ANO5: variants seen among roughly 807,000 people sequenced by gnomAD.
The protein encoded by ANO5 is anoctamin-5.
In ANO5, 109 loss-of-function variants were observed where a neutral mutation model predicts 121.0. The ratio of observed to expected loss-of-function variants is 0.90; its 90% CI spans 0.77 to 1.06. The LOEUF is 1.06. Ranked by LOEUF, ANO5 falls within the 50% of genes least tolerant of loss-of-function variation. The pLI is 0.00. For missense variants in ANO5, 1,064 were observed against 1,078.5 expected, an observed-to-expected ratio of 0.99 and a Z score of 0.19; for synonymous variants, 406 against 359.9, an observed-to-expected ratio of 1.13 and a Z score of -1.45.
At chr11:22,232,644 ACTAT>A (rs755793755) in intron 7 of ANO5, among the ~76,000 whole-genome samples, 8 of 151,982 alleles carry the variant, frequency 5.3e-5, no homozygotes, top group Non-Finnish European at 1.0e-4. Context: ...ATTGACAACT[ACTAT>A]CTACCTGTAA....
intron 9 of ANO5, among the ~76,000 whole-genome samples, chr11:22,245,357 G>T (rs115509256): frequency 8.1e-4 from 123 of 152,226 alleles, no homozygotes; most frequent in African/African-American, 2.7e-3. Context: ...TGTTTCCTTT[G>T]TTACTTGCTA....
intron 17 of ANO5, among the ~76,000 whole-genome samples, chr11:22,268,270 T>C (rs1854442224): frequency 6.9e-6 from 1 of 144,204 alleles, no homozygotes; most frequent in African/African-American, 2.9e-5. Flanking sequence ...ATATAAACAG[T>C]TGACTTTTTT....
rs1854758178 is a variant in ANO5, at chr11:22,274,557, T to C, written c.2236-12T>C. On this transcript the variant is annotated splice_polypyrimidine_tract_variant and intron_variant, in intron 19 of 21. Coordinates refer to ENST00000324559, the MANE Select transcript of ANO5 (RefSeq NM_213599.3). The stretch of plus-strand genomic sequence containing the variant: ...AGCTGATGATCTTCCTCTTTTTTTT[T>C]TTATTCTTCAGGCCTTTATTGTTGC... The C allele has an allele frequency of 1.3e-6, 2 of 1,559,150 alleles. No homozygotes were observed. The highest frequency in any genetic ancestry group is 1.7e-6 in the Non-Finnish European group (2 of 1,155,488).
At chr11:22,240,551 C>T (rs1040938513) in intron 9 of ANO5, among the ~76,000 whole-genome samples, 12 of 152,022 alleles carry the variant, frequency 7.9e-5, no homozygotes, top group Non-Finnish European at 1.5e-4. Flanking sequence ...GTCACTTAGT[C>T]AGTTTATAAA....
At chr11:22,254,250 A>G (rs1853918833) in intron 12 of ANO5, among the ~76,000 whole-genome samples, 1 of 152,184 alleles carries the variant, frequency 6.6e-6, no homozygotes, top group Admixed American at 6.6e-5. Context: ...ATTTTTAAAA[A>G]TGTATGGATA....
At chr11:22,262,914 A>G (rs377742416) in intron 16 of ANO5, 32 bp from the exon 17 acceptor site, 68 of 1,513,262 alleles carry the variant, frequency 4.5e-5, no homozygotes, top group Middle Eastern at 3.4e-4. Flanking sequence ...TGATCATTCA[A>G]TTCTGTTTTC....
intron 1 of ANO5, among the ~76,000 whole-genome samples, chr11:22,203,464 A>G (rs185524612): frequency 1.3e-5 from 2 of 152,216 alleles, no homozygotes; most frequent in Non-Finnish European, 2.9e-5. Flanking sequence ...GAACTAAAAC[A>G]TATGAATGGA....
At chr11:22,259,443 T>C in intron 14 of ANO5, 76 bp from the exon 15 acceptor site, 1 of 1,393,026 alleles carries the variant, frequency 7.2e-7, no homozygotes, top group Non-Finnish European at 1.0e-6. Context: ...ATGAACAGAA[T>C]AATCAATATG....
intron 14 of ANO5, 109 bp downstream of exon 14, chr11:22,257,863 C>A: frequency 1.1e-6 from 1 of 905,594 alleles, no homozygotes; most frequent in Non-Finnish European, 1.8e-6. Context: ...CCCTCTCCCT[C>A]CCTGGTCTTT....
intron 7 of ANO5, among the ~76,000 whole-genome samples, chr11:22,233,846 C>T (rs1260326605): frequency 2.0e-5 from 3 of 152,008 alleles, no homozygotes; most frequent in South Asian, 4.1e-4. Flanking sequence ...TGTCAACAAG[C>T]GAAATTCCTT....
chr11:22,260,318 C>T (rs1383709063), intron 15 of ANO5, among the ~76,000 whole-genome samples: 1 of 152,194 alleles, frequency 6.6e-6, no homozygotes, highest in Non-Finnish European at 1.5e-5. Context: ...AGCACAGTCG[C>T]TTCTGCTCTT....
chr11:22,280,430 A>G lies in ANO5; in HGVS notation c.*665A>G, dbSNP rs1315943872. 2 of 151,884 alleles carry G rather than the reference A, an allele frequency of 1.3e-5. No individual in the cohort carries two copies. Among genetic ancestry groups the G allele is most frequent in the African/African-American group, 4.8e-5 (2 of 41,398 alleles). 9.4% of individuals were successfully genotyped at this position (151,884 alleles called of 1,614,324 possible). A position where few individuals can be genotyped will look rare whatever the true frequency, so the allele number is the denominator to read the frequency against. Reference sequence around the variant, plus strand: ...TTCAACATAAAACAACTTGGTTCTTAGAGATAATAATTTGGTTATAATAGT... The same window carrying G: ...TTCAACATAAAACAACTTGGTTCTTGGAGATAATAATTTGGTTATAATAGT... On this transcript the variant is annotated 3_prime_UTR_variant, in exon 22 of 22. Coordinates refer to ENST00000324559, the MANE Select transcript of ANO5 (RefSeq NM_213599.3).
chr11:22,278,114 G>A (rs1462827810), intron 21 of ANO5: 1 of 151,420 alleles, frequency 6.6e-6, no homozygotes, highest in East Asian at 1.9e-4. Context: ...TTCCAGTATT[G>A]CTACAAAATG....
rs529423661 is a variant in ANO5 at position 22,221,019 on chromosome 11, A to G, written c.181-78A>G. ...TTATTTGTCTTGATTTGACTAAATT[A>G]TAAATAATTCCTTTTGTGCTTTTGC... On this transcript the variant is annotated intron_variant, in intron 4 of 21. Transcript: ENST00000324559. The G allele has an allele frequency of 3.1e-4, 328 of 1,053,624 alleles. 3 individuals are homozygous for G. The Middle Eastern group carries it at 7.3e-3, about 23-fold the overall frequency. 65.3% of individuals were successfully genotyped at this position (1,053,624 alleles called of 1,614,324 possible).
In ANO5 at chr11:22,273,289, T is replaced by C. The variant is rs138196787; in HGVS notation, c.2235+300T>C. On this transcript the variant is annotated intron_variant, in intron 19 of 21. Transcript: ENST00000324559. Reference sequence around the variant, plus strand: ...TGTGTTTGAATAAAACAATTAAAAATTGATTATATTTGTATACTACAGAGA... The same window carrying C: ...TGTGTTTGAATAAAACAATTAAAAACTGATTATATTTGTATACTACAGAGA... Among the ~76,000 whole-genome samples the C allele has an allele frequency of 4.2e-3, 643 of 152,272 alleles. 6 individuals are homozygous for C. The highest frequency in any genetic ancestry group is 0.014 in the Admixed American group (219 of 15,286).
At chr11:22,222,233 G>C (rs1852675263) in intron 5 of ANO5, among the ~76,000 whole-genome samples, 1 of 151,858 alleles carries the variant, frequency 6.6e-6, no homozygotes, top group Non-Finnish European at 1.5e-5. Flanking sequence ...ATCCTGCATT[G>C]TTTTTGTCAT....
intron 9 of ANO5, among the ~76,000 whole-genome samples, chr11:22,243,815 A>G (rs1246448094): frequency 6.6e-6 from 1 of 152,040 alleles, no homozygotes. Context: ...TTTCTTTGTT[A>G]ATATAGCTAG....
At chr11:22,256,688 T>A (rs748390084) in intron 13 of ANO5, among the ~76,000 whole-genome samples, 29 of 152,226 alleles carry the variant, frequency 1.9e-4, no homozygotes, top group Non-Finnish European at 4.1e-4. Flanking sequence ...ATTGTTGGCT[T>A]CACTTAGCTT....
intron 1 of ANO5, among the ~76,000 whole-genome samples, chr11:22,195,613 A>T (rs1851786417): frequency 6.6e-6 from 1 of 151,728 alleles, no homozygotes; most frequent in Admixed American, 6.6e-5. Flanking sequence ...TATTTTTTTT[A>T]TGAAGATGGG....
Sources: allele counts gnomAD v4.1 joint callset (sites outside exome capture counted in the v4.1 genomes callset), GRCh38; gene constraint gnomAD v4.1.1; transcripts MANE v1.5; gene names NCBI Gene and HGNC (gene_info 2026-07-23, HGNC 2026-07-21).